The following DMXL1 variants were observed in gnomAD, a reference collection of about 807,000 sequenced individuals.
The protein encoded by DMXL1 is dmX-like protein 1.
Under a neutral mutation model 319.2 loss-of-function variants are expected in DMXL1, and 99 were observed. The ratio of observed to expected loss-of-function variants is 0.31; its 90% CI spans 0.26 to 0.37. The LOEUF (loss-of-function observed/expected upper bound fraction) is 0.37. Among genes scored for constraint, DMXL1 ranks in the 10% least tolerant of loss-of-function variants. The probability of loss-of-function intolerance (pLI) is 1.00; values close to 1 mark genes in which losing one functional copy is unlikely to be tolerated. For synonymous variants in DMXL1, 1,385 were observed against 1,235.2 expected (o/e 1.12, Z -2.54); for missense variants, 3,745 against 3,595.6 (o/e 1.04, Z -1.06).
intron 1 of DMXL1, among the ~76,000 whole-genome samples, chr5:119,074,921 T>C (rs1411952893): frequency 6.6e-6 from 1 of 152,234 alleles, no homozygotes; most frequent in African/African-American, 2.4e-5. Flanking sequence ...AGTTATACTC[T>C]TGGAATTTCT....
chr5:119,202,308 A>G (rs556274671), intron 32 of DMXL1, among the ~76,000 whole-genome samples: 15 of 152,312 alleles, frequency 9.8e-5, no homozygotes, highest in Non-Finnish European at 1.8e-4. Flanking sequence ...TTAGGGATCA[A>G]CAAACTATGG....
intron 36 of DMXL1, 22 bp downstream of exon 36, chr5:119,220,615 A>G (rs761250844): frequency 8.1e-6 from 13 of 1,604,788 alleles, no homozygotes; most frequent in African/African-American, 1.3e-5. Context: ...GTTTGTTTCT[A>G]TTTAGTAATG....
chr5:119,129,522 T>C (rs1414544720), intron 10 of DMXL1, 99 bp downstream of exon 10: 7 of 746,464 alleles, frequency 9.4e-6, no homozygotes, highest in Non-Finnish European at 1.5e-5. Context: ...ACTTTAAAGT[T>C]GCAATGACAT....
chr5:119,141,835 T>C (rs1190383062), intron 13 of DMXL1, among the ~76,000 whole-genome samples: 2 of 151,984 alleles, frequency 1.3e-5, no homozygotes, highest in Admixed American at 6.6e-5. Flanking sequence ...AACAGAGCTT[T>C]GAGGTATCAT....
Position 119,159,526 on chromosome 5 carries a change from T to C in DMXL1, c.4703-4981T>C, listed in dbSNP as rs564766491. On this transcript the variant is annotated intron_variant, in intron 19 of 43. Transcript: ENST00000539542. ...GAAGTTATCTATTTCTTCTGGGTTA[T>C]CCAATTTGTTGGCATATATCTGCAT... Among the ~76,000 whole-genome samples, 120 of 152,394 alleles carry C rather than the reference T, an allele frequency of 7.9e-4. 1 individual carries two copies. The highest frequency in any genetic ancestry group is 2.7e-3 in the African/African-American group (113 of 41,600).
At chr5:119,112,115 C>G (rs1247999796) in intron 5 of DMXL1, among the ~76,000 whole-genome samples, 1 of 152,188 alleles carries the variant, frequency 6.6e-6, no homozygotes, top group Non-Finnish European at 1.5e-5. Context: ...CGCTCTACCA[C>G]CATGCCCGGC....
chr5:119,104,924 A>G (rs1202739424), intron 3 of DMXL1, among the ~76,000 whole-genome samples: 8 of 152,338 alleles, frequency 5.3e-5, no homozygotes, highest in East Asian at 3.9e-4. Flanking sequence ...ATCTGAGGCT[A>G]TTAAGACTGT....
intron 9 of DMXL1, among the ~76,000 whole-genome samples, chr5:119,126,239 C>T (rs780450721): frequency 1.7e-4 from 26 of 152,052 alleles, no homozygotes; most frequent in Admixed American, 7.9e-4. Flanking sequence ...GCTGAGATTG[C>T]GCCATTGCCC....
At chr5:119,104,721 C>T (rs984664865) in intron 3 of DMXL1, among the ~76,000 whole-genome samples, 6 of 152,094 alleles carry the variant, frequency 3.9e-5, no homozygotes, top group Non-Finnish European at 7.4e-5. Context: ...GGAAAAATTT[C>T]GCTTTAAGAA....
intron 41 of DMXL1, 138 bp from the exon 42 acceptor site, chr5:119,240,281 G>T: frequency 1.9e-6 from 1 of 528,716 alleles, no homozygotes; most frequent in South Asian, 3.3e-5. Context: ...AAATTTGTTG[G>T]TTACTTGTAT....
intron 35 of DMXL1, among the ~76,000 whole-genome samples, chr5:119,219,551 CATTT>C (rs1158360091): frequency 2.0e-5 from 3 of 148,224 alleles, no homozygotes; most frequent in Non-Finnish European, 4.4e-5. Context: ...CAAAGATACA[CATTT>C]AATTAATTAA....
intron 1 of DMXL1, among the ~76,000 whole-genome samples, chr5:119,089,299 T>TATGCA (rs1561549898): frequency 8.3e-5 from 7 of 84,732 alleles, no homozygotes; most frequent in African/African-American, 3.2e-4. Flanking sequence ...TATATTTTTT[T>TATGCA]TTTTTTTTTT....
At chr5:119,200,529 G>C (rs1780504737) in intron 32 of DMXL1, among the ~76,000 whole-genome samples, 1 of 151,950 alleles carries the variant, frequency 6.6e-6, no homozygotes, top group South Asian at 2.1e-4. Context: ...TGTTCTTTTT[G>C]CTTAGGATCG....
At chr5:119,081,616 T>C in intron 1 of DMXL1, 4 of 985,000 alleles carry the variant, frequency 4.1e-6, no homozygotes, top group Non-Finnish European at 4.8e-6. Context: ...GAAGTGTAGA[T>C]GAGAAGTTAA....
chr5:119,157,048 T>C (rs1221898071), intron 19 of DMXL1, among the ~76,000 whole-genome samples: 1 of 152,066 alleles, frequency 6.6e-6, no homozygotes, highest in Non-Finnish European at 1.5e-5. Context: ...TTGAGGGTCT[T>C]ACTCTGTTGC....
chr5:119,136,416 A>G (rs1253215273), intron 13 of DMXL1, among the ~76,000 whole-genome samples: 2 of 152,272 alleles, frequency 1.3e-5, no homozygotes. Flanking sequence ...TGTGGTAGAA[A>G]AGAAAAACTC....
chr5:119,072,159 C>T (rs1261954446), intron 1 of DMXL1, among the ~76,000 whole-genome samples: 1 of 152,044 alleles, frequency 6.6e-6, no homozygotes, highest in Non-Finnish European at 1.5e-5. Flanking sequence ...ATTTTCTTTT[C>T]TAATTCCCTG....
intron 4 of DMXL1, among the ~76,000 whole-genome samples, chr5:119,109,010 A>T (rs890223402): frequency 1.3e-4 from 20 of 151,876 alleles, no homozygotes; most frequent in African/African-American, 4.8e-4. Context: ...CATGTTGGTC[A>T]GGTTAATCTT....
At chr5:119,209,809 A>G (rs1782422229) in intron 34 of DMXL1, among the ~76,000 whole-genome samples, 1 of 152,070 alleles carries the variant, frequency 6.6e-6, no homozygotes, top group Non-Finnish European at 1.5e-5. Context: ...ATTGCCTTCA[A>G]ATCTTATGTT....
Sources: allele counts gnomAD v4.1 joint callset (sites outside exome capture counted in the v4.1 genomes callset), GRCh38; gene constraint gnomAD v4.1.1; transcripts MANE v1.5; gene names NCBI Gene and HGNC (gene_info 2026-07-23, HGNC 2026-07-21).